Variants in APBB2 observed in about 807,000 individuals in gnomAD.
APBB2 encodes amyloid beta precursor protein binding family B member 2, also known as Fe65-like 1.
Under a neutral mutation model 82.5 loss-of-function variants are expected in APBB2, and 38 were observed. That is an observed-to-expected ratio of 0.46 (90% CI 0.36 to 0.60). APBB2 has a LOEUF of 0.60. Among genes scored for constraint, APBB2 ranks in the 20% least tolerant of loss-of-function variants. The pLI is 0.00. For synonymous variants in APBB2, 341 were observed against 368.2 expected (o/e 0.93, Z 0.85); for missense variants, 772 against 972.3 (o/e 0.79, Z 2.74).
chr4:41,063,775 C>G (rs544987385), intron 4 of APBB2, among the ~76,000 whole-genome samples: 2 of 151,992 alleles, frequency 1.3e-5, no homozygotes, highest in African/African-American at 4.8e-5. Context: ...ACCTCCTGGG[C>G]TCAAGCAATC....
At position 41,009,387 on chromosome 4, in the gene APBB2, C is replaced by G. The variant is rs74767614; in HGVS notation, c.835+4196G>C. On this transcript the variant is annotated intron_variant, in intron 6 of 17. Transcript: ENST00000508593. ...CCTTTTTCAAATAGCCTCTTGTTTT[C>G]TTAAAGGACAGACTACAGAGGAGGA... Among the ~76,000 whole-genome samples the G allele has an allele frequency of 8.4e-3, 1,271 of 152,062 alleles. 21 individuals carry two copies. Among genetic ancestry groups the G allele is most frequent in the African/African-American group, 0.028 (1,153 of 41,378 alleles).
chr4:40,866,957 T>A (rs59160629), intron 12 of APBB2, among the ~76,000 whole-genome samples: 4,974 of 152,276 alleles, frequency 0.033, 124 homozygotes, highest in East Asian at 0.068. Context: ...GGTTTCACTA[T>A]GTTGGTCAGG....
chr4:40,870,239 C>T (rs895259723), intron 12 of APBB2, among the ~76,000 whole-genome samples: 2 of 152,194 alleles, frequency 1.3e-5, no homozygotes, highest in Non-Finnish European at 2.9e-5. Context: ...CTGCCTCCAG[C>T]CCACTGTGCC....
intron 2 of APBB2, among the ~76,000 whole-genome samples, chr4:41,116,065 A>C (rs1014595433): frequency 2.0e-5 from 3 of 152,254 alleles, no homozygotes; most frequent in Admixed American, 6.5e-5. Flanking sequence ...GAAACAACCT[A>C]AATGCCCATC....
chr4:41,171,851 G>A (rs1310030991), intron 1 of APBB2, among the ~76,000 whole-genome samples: 4 of 151,364 alleles, frequency 2.6e-5, no homozygotes, highest in Admixed American at 2.0e-4. Flanking sequence ...ATCCCACCAC[G>A]TTGGGAGGCC....
chr4:40,821,721 C>G, intron 17 of APBB2, 150 bp downstream of exon 17: 1 of 900,786 alleles, frequency 1.1e-6, no homozygotes, highest in Non-Finnish European at 1.6e-6. Flanking sequence ...ATAACTGATT[C>G]TGGCCCTAGG....
intron 12 of APBB2, among the ~76,000 whole-genome samples, chr4:40,869,450 A>T (rs1764869102): frequency 6.6e-6 from 1 of 151,686 alleles, no homozygotes. Flanking sequence ...TAACTGGGCG[A>T]AGTGGCATGT....
chr4:40,930,344 A>C (rs1783757325), intron 10 of APBB2, among the ~76,000 whole-genome samples: 1 of 152,206 alleles, frequency 6.6e-6, no homozygotes, highest in Non-Finnish European at 1.5e-5. Context: ...TCAAGTACAA[A>C]GACTTTACTG....
At chr4:40,990,166 A>T (rs1205257657) in intron 6 of APBB2, 1 of 152,236 alleles carries the variant, frequency 6.6e-6, no homozygotes. Flanking sequence ...CTATGGCCAT[A>T]AAACCCTGAA....
At chr4:41,182,631 T>C (rs927923474) in intron 1 of APBB2, among the ~76,000 whole-genome samples, 5 of 152,306 alleles carry the variant, frequency 3.3e-5, no homozygotes, top group African/African-American at 1.2e-4. Flanking sequence ...GACTGGGTAA[T>C]TTATAAAGGA....
At chr4:40,898,544 C>A (rs527799758) in intron 10 of APBB2, among the ~76,000 whole-genome samples, 1 of 152,044 alleles carries the variant, frequency 6.6e-6, no homozygotes, top group Non-Finnish European at 1.5e-5. Context: ...GGATTATAGG[C>A]ATTTGCCACA....
At chr4:41,072,337 C>G (rs927457539) in intron 3 of APBB2, among the ~76,000 whole-genome samples, 16 of 152,178 alleles carry the variant, frequency 1.1e-4, no homozygotes, top group Non-Finnish European at 1.8e-4. Context: ...CTGTTTATTC[C>G]TCTACTCAAA....
At chr4:40,890,139 C>T (rs1771540283) in intron 12 of APBB2, among the ~76,000 whole-genome samples, 1 of 152,212 alleles carries the variant, frequency 6.6e-6, no homozygotes, top group South Asian at 2.1e-4. Context: ...AAGGCAGGAT[C>T]AGGATCAGAG....
At position 40,813,754 on chromosome 4, in the gene APBB2, T is replaced by A. The variant is rs1049690772; in HGVS notation, c.*2338A>T. ...AATGAAGAGGGAGTTCTGGTAGAGA[T>A]TTCCAATATAAAAGTGGGTAATTTG... On this transcript the variant is annotated 3_prime_UTR_variant, in exon 18 of 18. Transcript: ENST00000508593. The A allele has an allele frequency of 2.0e-5, 3 of 152,186 alleles. No individual in the cohort carries two copies. Among genetic ancestry groups the A allele is most frequent in the Non-Finnish European group, 4.4e-5 (3 of 68,044 alleles). 9.4% of individuals were successfully genotyped at this position (152,186 alleles called of 1,614,324 possible). A position where few individuals can be genotyped will look rare whatever the true frequency, so the allele number is the denominator to read the frequency against.
intron 2 of APBB2, among the ~76,000 whole-genome samples, chr4:41,133,736 A>C (rs979723218): frequency 1.3e-5 from 2 of 152,112 alleles, no homozygotes; most frequent in Non-Finnish European, 2.9e-5. Flanking sequence ...AGAGGTAAAC[A>C]CCTTGGTCCC....
At chr4:41,088,434 G>A (rs1307282270) in intron 3 of APBB2, among the ~76,000 whole-genome samples, 3 of 152,236 alleles carry the variant, frequency 2.0e-5, no homozygotes, top group Admixed American at 6.5e-5. Flanking sequence ...TTTGACAGCT[G>A]TGGCTATTGC....
In APBB2 at chr4:40,893,366, C is replaced by T. The variant is rs761219652; in HGVS notation, c.1300G>A (p.Asp434Asn). Residue 434 changes from aspartate (D) to asparagine (N), a missense_variant, in exon 11 of 18, where the codon GAC becomes AAC. Transcript: ENST00000508593. ...SLGWVEMAEE[D>N]LAPGKSSVAV... ...ACACTACTTTTACCGGGGGCGAGGT[C>T]CTCTTCTGCCATCTCTACCCATCCC... 6.2e-7 allele frequency: 1 copy of T among 1,613,708 alleles called. No individual in the cohort carries two copies.
At chr4:40,856,482 T>C (rs1215350146) in intron 12 of APBB2, among the ~76,000 whole-genome samples, 1 of 152,278 alleles carries the variant, frequency 6.6e-6, no homozygotes, top group Non-Finnish European at 1.5e-5. Flanking sequence ...GTCACACCAA[T>C]ATCCTAAATC....
At chr4:40,927,725 G>C (rs1242066519) in intron 10 of APBB2, among the ~76,000 whole-genome samples, 1 of 152,102 alleles carries the variant, frequency 6.6e-6, no homozygotes, top group Non-Finnish European at 1.5e-5. Flanking sequence ...CAAGAGATCT[G>C]CCTGCCTGAG....
Sources: allele counts gnomAD v4.1 joint callset (sites outside exome capture counted in the v4.1 genomes callset), GRCh38; gene constraint gnomAD v4.1.1; transcripts MANE v1.5; gene names NCBI Gene and HGNC (gene_info 2026-07-23, HGNC 2026-07-21).